Variants in GALNTL6 observed in about 807,000 individuals in gnomAD.
GALNTL6 encodes the protein polypeptide N-acetylgalactosaminyltransferase like 6, also known as polypeptide N-acetylgalactosaminyltransferase-like 6.
In GALNTL6, 46 loss-of-function variants were observed where a neutral mutation model predicts 73.7. The observed-to-expected ratio is 0.62, with a 90% CI of 0.49 to 0.80. The LOEUF (loss-of-function observed/expected upper bound fraction) is 0.80. Among genes scored for constraint, GALNTL6 ranks in the 30% least tolerant of loss-of-function variants. GALNTL6 has a pLI of 0.00. For missense variants in GALNTL6, 604 were observed against 755.0 expected (o/e 0.80, Z 2.34); for synonymous variants, 259 against 263.7 (o/e 0.98, Z 0.17).
chr4:172,846,549 AT>A (rs370233535), intron 7 of GALNTL6, among the ~76,000 whole-genome samples: 3,827 of 152,194 alleles, frequency 0.025, 174 homozygotes, highest in African/African-American at 0.088. Flanking sequence ...ATAGCAATAG[AT>A]TTTTTTGTAA....
intron 10 of GALNTL6, among the ~76,000 whole-genome samples, chr4:173,001,377 C>T (rs1011954633): frequency 1.3e-5 from 2 of 152,112 alleles, no homozygotes; most frequent in Non-Finnish European, 2.9e-5. Flanking sequence ...AAATTTAATT[C>T]TAAATGGACC....
At chr4:172,895,670 G>A (rs897740637) in intron 8 of GALNTL6, among the ~76,000 whole-genome samples, 1 of 151,938 alleles carries the variant, frequency 6.6e-6, no homozygotes, top group African/African-American at 2.4e-5. Context: ...CTCAAGGTTT[G>A]GAAAGCTCTT....
intron 7 of GALNTL6, among the ~76,000 whole-genome samples, chr4:172,815,352 A>T (rs28637185): frequency 2.6e-5 from 4 of 152,136 alleles, no homozygotes; most frequent in African/African-American, 9.7e-5. Context: ...TGTGGAGAGG[A>T]GTACAAAAGG....
intron 10 of GALNTL6, among the ~76,000 whole-genome samples, chr4:172,976,734 G>A (rs140168913): frequency 5.5e-4 from 84 of 152,316 alleles, no homozygotes; most frequent in African/African-American, 1.8e-3. Context: ...CACACAGAAA[G>A]TTTGAGAGAC....
intron 5 of GALNTL6, among the ~76,000 whole-genome samples, chr4:172,641,972 A>G (rs1235316306): frequency 6.6e-6 from 1 of 152,110 alleles, no homozygotes; most frequent in Non-Finnish European, 1.5e-5. Flanking sequence ...CAGGTATATG[A>G]AAGAGTGCTC....
chr4:172,359,491 C>T (rs1742288822), intron 5 of GALNTL6, among the ~76,000 whole-genome samples: 1 of 152,044 alleles, frequency 6.6e-6, no homozygotes, highest in East Asian at 1.9e-4. Context: ...TGCACATGTA[C>T]CCCTGAAACG....
At chr4:172,604,347 G>C (rs1361304294) in intron 5 of GALNTL6, among the ~76,000 whole-genome samples, 5 of 152,052 alleles carry the variant, frequency 3.3e-5, no homozygotes, top group Non-Finnish European at 5.9e-5. Context: ...AAAAGATGCA[G>C]AAGTATCAAA....
At chr4:172,310,143 G>T (rs1254591863) in intron 3 of GALNTL6, among the ~76,000 whole-genome samples, 1 of 152,132 alleles carries the variant, frequency 6.6e-6, no homozygotes, top group Admixed American at 6.5e-5. Context: ...GGTTACTAAT[G>T]ATGTTTCCAA....
At chr4:171,942,115 G>A (rs749332241) in intron 2 of GALNTL6, among the ~76,000 whole-genome samples, 1 of 151,926 alleles carries the variant, frequency 6.6e-6, no homozygotes, top group South Asian at 2.1e-4. Context: ...AATAGGCTGC[G>A]TTCGGTGGCT....
chr4:171,820,471 C>A (rs1734650322), intron 2 of GALNTL6, among the ~76,000 whole-genome samples: 2 of 152,166 alleles, frequency 1.3e-5, no homozygotes, highest in African/African-American at 4.8e-5. Context: ...ATACCCATAT[C>A]CGTAGTTTCA....
Position 172,045,226 on chromosome 4 carries a change from C to G in GALNTL6, c.139-184430C>G, listed in dbSNP as rs771056025. On this transcript the variant is annotated intron_variant, in intron 2 of 12. Transcript: ENST00000506823. ...CACTGTAATACAGTAGAGCACTGTGCGCCTAAGAGACAAGCTTATATAAGG... is the reference window on the plus strand; with the variant it reads ...CACTGTAATACAGTAGAGCACTGTGGGCCTAAGAGACAAGCTTATATAAGG... Among the ~76,000 whole-genome samples the G allele has an allele frequency of 1.3e-3, 190 of 151,948 alleles. 2 individuals carry two copies. Among genetic ancestry groups the G allele is most frequent in the Non-Finnish European group, 3.5e-4 (24 of 67,934 alleles).
intron 5 of GALNTL6, among the ~76,000 whole-genome samples, chr4:172,615,078 A>C (rs1302884866): frequency 6.6e-6 from 1 of 151,990 alleles, no homozygotes; most frequent in Non-Finnish European, 1.5e-5. Flanking sequence ...TTTGCCTTTC[A>C]GTTACAGGAA....
At chr4:172,414,256 C>T (rs1397195105) in intron 5 of GALNTL6, among the ~76,000 whole-genome samples, 13 of 152,116 alleles carry the variant, frequency 8.5e-5, no homozygotes, top group Non-Finnish European at 1.5e-5. Context: ...TCAACTTTCT[C>T]ATTTACAAAA....
intron 3 of GALNTL6, among the ~76,000 whole-genome samples, chr4:172,231,513 ATACTCCACTG>A (rs1737070025): frequency 2.6e-5 from 4 of 152,180 alleles, no homozygotes; most frequent in Non-Finnish European, 4.4e-5. Flanking sequence ...ATGGTCCATT[ATACTCCACTG>A]TCAAATAATA....
At chr4:172,123,527 G>C (rs2111003686) in intron 2 of GALNTL6, among the ~76,000 whole-genome samples, 1 of 127,328 alleles carries the variant, frequency 7.9e-6, no homozygotes, top group South Asian at 2.4e-4. Context: ...TTTTGAGATG[G>C]AGTCTCACTC....
chr4:171,853,223 A>C (rs1735574478), intron 2 of GALNTL6, among the ~76,000 whole-genome samples: 1 of 151,834 alleles, frequency 6.6e-6, no homozygotes, highest in Non-Finnish European at 1.5e-5. Context: ...TCTTTCAAAA[A>C]TATCTTATTA....
At chr4:172,327,170 T>A (rs1740971552) in intron 4 of GALNTL6, among the ~76,000 whole-genome samples, 2 of 152,172 alleles carry the variant, frequency 1.3e-5, no homozygotes, top group South Asian at 4.1e-4. Flanking sequence ...TAAAAGTCAT[T>A]CAGGAGCAGG....
intron 2 of GALNTL6, among the ~76,000 whole-genome samples, chr4:171,872,097 G>A (rs1736153458): frequency 6.6e-6 from 1 of 151,758 alleles, no homozygotes; most frequent in African/African-American, 2.4e-5. Flanking sequence ...GATATACTTT[G>A]CTAAATATAT....
chr4:172,968,930 CA>C (rs374330678), intron 10 of GALNTL6, among the ~76,000 whole-genome samples: 20 of 151,990 alleles, frequency 1.3e-4, no homozygotes, highest in African/African-American at 4.6e-4. Context: ...CATGCTGAGA[CA>C]AGGATAAAGA....
Sources: gnomAD v4.1 joint callset for allele counts (sites outside exome capture counted in the v4.1 genomes callset) on GRCh38, gnomAD v4.1.1 for gene constraint, MANE v1.5 for transcripts, NCBI Gene and HGNC (gene_info 2026-07-23, HGNC 2026-07-21) for gene names.